The following MLST8 variants were observed in gnomAD, a reference collection of about 807,000 sequenced individuals.
MLST8 encodes MTOR associated protein MLST8.
In MLST8, 20 loss-of-function variants were observed where a neutral mutation model predicts 41.3. The ratio of observed to expected loss-of-function variants is 0.48; its 90% CI spans 0.34 to 0.70. The LOEUF is 0.70. MLST8 is among the 30% of genes least tolerant of loss of function. The pLI, the probability that MLST8 is intolerant of heterozygous loss-of-function variation, is 0.01. For synonymous variants in MLST8, 243 were observed against 183.0 expected, an observed-to-expected ratio of 1.33 and a Z score of -2.65; for missense variants, 422 against 454.3, an observed-to-expected ratio of 0.93 and a Z score of 0.65.
In MLST8 at chr16:2,209,335, C is replaced by T. The variant is rs372214827; in HGVS notation, c.*458C>T. The T allele has an allele frequency of 7.7e-5, 123 of 1,595,234 alleles. No homozygotes were observed. The highest frequency in any genetic ancestry group is 1.7e-4 in the Middle Eastern group (1 of 5,968). ...CCTGGCCAGCCCACTGGATTGGGGA[C>T]GGGCCAGGCTGGGCCAGGTCGGGGG... On this transcript the variant is annotated 3_prime_UTR_variant, in exon 9 of 9. Transcript: ENST00000569417.
In MLST8 at chr16:2,207,190, C is replaced by A. The variant is rs900500229; in HGVS notation, c.421-3C>A. On this transcript the variant is annotated splice_region_variant and splice_polypyrimidine_tract_variant and intron_variant, in intron 5 of 8. Coordinates refer to ENST00000569417, the MANE Select transcript of MLST8 (RefSeq NM_022372.6). ...GCCCTGCCTCACCACCCCTGCACCC[C>A]AGGCAGAGCTCATCGTGGGTGACCA... 6.8e-6 allele frequency: 11 copies of A among 1,613,690 alleles called. No homozygotes were observed. Among genetic ancestry groups the A allele is most frequent in the South Asian group, 1.1e-5 (1 of 91,062 alleles).
chr16:2,206,775 T>C, intron 4 of MLST8, 116 bp downstream of exon 4: 2 of 1,253,082 alleles, frequency 1.6e-6, no homozygotes, highest in Non-Finnish European at 2.3e-6. Flanking sequence ...GTGGGCGACT[T>C]ACTGAGAGAA....
rs936353742 is a variant in MLST8, at chr16:2,208,503, A to C, written c.752A>C (p.Asn251Thr). The change falls in exon 8 of 9, where the codon AAC becomes ACC. Residue 251 changes from asparagine to threonine, a missense_variant. By Grantham distance (65) the Asn-to-Thr change is moderately conservative (BLOSUM62 0). Coordinates refer to ENST00000569417, the MANE Select transcript of MLST8 (RefSeq NM_022372.6). ...ACGTGCAAGATCTGGAGGACGTCCA[A>C]CTTCTCCCTGATGACGGAGCTGAGC... is the stretch of plus-strand genomic sequence containing the variant. The part of the protein sequence containing the change: ...DQTCKIWRTS[N>T]FSLMTELSIK... 3.7e-6 allele frequency: 6 copies of C among 1,613,140 alleles called. No individual in the cohort carries two copies. The African/African-American group carries it at 4.0e-5, about 11-fold the overall frequency.
chr16:2,205,923 C>G (rs1390535388), intron 1 of MLST8, 108 bp from the exon 2 acceptor site: 1 of 1,444,836 alleles, frequency 6.9e-7, no homozygotes, highest in Non-Finnish European at 9.1e-7. Flanking sequence ...CGCTTCTTGT[C>G]CCAACTCTAA....
In MLST8 at chr16:2,206,053, C is replaced by A; in HGVS notation, c.-33C>A. Reference sequence around the variant, plus strand: ...CAGATGCTCTGACCTTTGACCCCTGCCGTTCAGCTCTAGGGCCCGTGCAGG... The same window carrying A: ...CAGATGCTCTGACCTTTGACCCCTGACGTTCAGCTCTAGGGCCCGTGCAGG... On this transcript the variant is annotated 5_prime_UTR_variant, in exon 2 of 9. Transcript: ENST00000569417. 1.3e-6 allele frequency: 2 copies of A among 1,549,690 alleles called. No individual in the cohort carries two copies. Among genetic ancestry groups the A allele is most frequent in the Non-Finnish European group, 8.7e-7 (1 of 1,144,822 alleles).
In MLST8 at chr16:2,208,796, G is replaced by C. The variant is rs201873488; in HGVS notation, c.900G>C (p.Glu300Asp). ...ACCTGGCCCGGCTCTGGTGTGTGGA[G>C]ACTGGAGAGATCAAGAGAGAGTATG... is the stretch of plus-strand genomic sequence containing the variant. ...SDNLARLWCV[E>D]TGEIKREYGG... Residue 300 changes from glutamate to aspartate, a missense_variant, in exon 9 of 9, where the codon GAG (glutamate) becomes GAC (aspartate). Coordinates refer to ENST00000569417, the MANE Select transcript of MLST8 (RefSeq NM_022372.6). 608 of 1,613,990 alleles carry C rather than the reference G, an allele frequency of 3.8e-4. 6 individuals carry two copies. The South Asian group carries it at 6.3e-3, about 17-fold the overall frequency.
intron 6 of MLST8, chr16:2,207,677 C>T (rs1219653468): frequency 7.9e-6 from 3 of 378,426 alleles, no homozygotes; most frequent in African/African-American, 2.0e-5. Flanking sequence ...CCCTGACCTC[C>T]CCTGGCCCCT....
At position 2,209,065 on chromosome 16, in the gene MLST8, A is replaced by G. The variant is rs1178138483; in HGVS notation, c.*188A>G. ...GCCCCCAGTTGCTTATCCAGATGTG[A>G]CAGAGCTCGACCCAAGCCAGGCTGC... On this transcript the variant is annotated 3_prime_UTR_variant, in exon 9 of 9. Transcript: ENST00000569417. The G allele has an allele frequency of 1.5e-6, 1 of 677,790 alleles. No individual in the cohort carries two copies. The highest frequency in any genetic ancestry group is 2.5e-6 in the Non-Finnish European group (1 of 397,470). The allele number at this position is 677,790 out of a possible 1,614,324, so 42.0% of individuals were successfully genotyped here.
intron 1 of MLST8, chr16:2,205,823 C>A: frequency 8.6e-7 from 1 of 1,169,210 alleles, no homozygotes; most frequent in East Asian, 4.5e-5. Flanking sequence ...ACGGCGCCCC[C>A]GCCGTGTGCG....
In MLST8 at chr16:2,206,231, G is replaced by A. The variant is rs1461773962; in HGVS notation, c.129+17G>A. The stretch of plus-strand genomic sequence containing the variant: ...CAGGACTCCGTATCCTCCACCCGGG[G>A]CGGGCAGGGCGGCGCTGGGGGGATG... On this transcript the variant is annotated intron_variant, in intron 2 of 8. Transcript: ENST00000569417. 3 of 1,602,918 alleles carry A rather than the reference G, an allele frequency of 1.9e-6. No individual in the cohort carries two copies. Among genetic ancestry groups the A allele is most frequent in the Middle Eastern group, 1.7e-4 (1 of 6,060 alleles).
In MLST8 at chr16:2,208,813, G is replaced by T; in HGVS notation, c.917G>T (p.Arg306Ile). The T allele has an allele frequency of 1.2e-6, 2 of 1,613,986 alleles. No individual in the cohort carries two copies. Among genetic ancestry groups the T allele is most frequent in the Non-Finnish European group, 1.7e-6 (2 of 1,179,936 alleles). Reference protein sequence around the residue: ...LWCVETGEIKREYGGHQKAVV... With the variant: ...LWCVETGEIKIEYGGHQKAVV... ...TGTGTGGAGACTGGAGAGATCAAGA[G>T]AGAGTATGGCGGCCACCAGAAGGCT... is the stretch of plus-strand genomic sequence containing the variant. The change falls in exon 9 of 9, where the codon AGA becomes ATA. Residue 306 changes from arginine (R) to isoleucine (I), a missense_variant. Arg to Ile is a moderately conservative substitution (Grantham distance 97). Coordinates refer to ENST00000569417, the MANE Select transcript of MLST8 (RefSeq NM_022372.6).
chr16:2,207,673 C>G lies in MLST8; in HGVS notation c.573+328C>G, dbSNP rs572084376. The G allele has an allele frequency of 5.7e-5, 22 of 383,176 alleles. No homozygotes were observed. The South Asian group carries it at 6.2e-4, about 11-fold the overall frequency. 23.7% of individuals were successfully genotyped at this position (383,176 alleles called of 1,614,324 possible). A position where few individuals can be genotyped will look rare whatever the true frequency, so the allele number is the denominator to read the frequency against. On this transcript the variant is annotated intron_variant, in intron 6 of 8. Transcript: ENST00000569417. ...TGAGGCTTCCTTTCCCCCTCCCTGA[C>G]CTCCCCTGGCCCCTGACACGTTCTC...
In MLST8 at chr16:2,207,222, G is replaced by A; in HGVS notation, c.450G>A (p.Gly150=). 1.9e-6 allele frequency: 3 copies of A among 1,614,164 alleles called. No homozygotes were observed. The highest frequency in any genetic ancestry group is 2.2e-5 in the South Asian group (2 of 91,086). ...QAELIVGDQS[G]AIHIWDLKTD... ...AGCTCATCGTGGGTGACCAGAGCGG[G>A]GCTATCCACATCTGGGACTTGAAAA... is the stretch of plus-strand genomic sequence containing the variant. Residue 150 remains glycine (G), a synonymous_variant, in exon 6 of 9, where the codon GGG becomes GGA. Transcript: ENST00000569417.
chr16:2,206,069 C>T lies in MLST8; in HGVS notation c.-17C>T. 6.3e-7 allele frequency: 1 copy of T among 1,576,592 alleles called. No individual in the cohort carries two copies. The highest frequency in any genetic ancestry group is 1.1e-5 in the South Asian group (1 of 87,884). Reference sequence around the variant, plus strand: ...TGACCCCTGCCGTTCAGCTCTAGGGCCCGTGCAGGCCACACCATGAACACC... The same window carrying T: ...TGACCCCTGCCGTTCAGCTCTAGGGTCCGTGCAGGCCACACCATGAACACC... On this transcript the variant is annotated 5_prime_UTR_variant, in exon 2 of 9. Coordinates refer to ENST00000569417, the MANE Select transcript of MLST8 (RefSeq NM_022372.6).
At chr16:2,205,711 T>G in intron 1 of MLST8, 199 bp downstream of exon 1, 1 of 998,874 alleles carries the variant, frequency 1.0e-6, no homozygotes, top group Non-Finnish European at 1.2e-6. Context: ...GCGCTCGGCT[T>G]TCCCCGGCCC....
rs754907016 is a variant in MLST8, at chr16:2,208,825, G to A, written c.929G>A (p.Gly310Asp). The change falls in exon 9 of 9, where the codon GGC becomes GAC. Residue 310 changes from glycine to aspartate, a missense_variant. Coordinates refer to ENST00000569417, the MANE Select transcript of MLST8 (RefSeq NM_022372.6). The part of the protein sequence containing the change: ...ETGEIKREYG[G>D]HQKAVVCLAF... ...GGAGAGATCAAGAGAGAGTATGGCG[G>A]CCACCAGAAGGCTGTTGTCTGCCTG... 1.9e-6 allele frequency: 3 copies of A among 1,613,858 alleles called. No individual in the cohort carries two copies. In the South Asian group the frequency reaches 3.3e-5, roughly 18 times the overall value.
intron 6 of MLST8, chr16:2,207,661 C>G: frequency 4.9e-6 from 2 of 409,024 alleles, no homozygotes; most frequent in South Asian, 5.8e-5. Context: ...GGCTTCCTTT[C>G]CCCCTCCCTG....
chr16:2,207,598 G>A (rs2093318556), intron 6 of MLST8: 1 of 536,434 alleles, frequency 1.9e-6, no homozygotes, highest in East Asian at 3.2e-5. Context: ...TCACTCTGTT[G>A]CCTCCTGGTC....
chr16:2,206,320 C>T, intron 2 of MLST8, 38 bp from the exon 3 acceptor site: 1 of 1,612,430 alleles, frequency 6.2e-7, no homozygotes, highest in South Asian at 1.1e-5. Context: ...GCCCTGGCCT[C>T]AGGGCTACCT....
Sources: allele counts gnomAD v4.1 joint callset, GRCh38; gene constraint gnomAD v4.1.1; transcripts MANE v1.5; gene names NCBI Gene and HGNC (gene_info 2026-07-23, HGNC 2026-07-21).